Variants in CDK14 observed in about 807,000 individuals in gnomAD.
CDK14 encodes cyclin-dependent kinase 14.
CDK14 carries 34 observed loss-of-function variants against 60.7 expected under a neutral mutation model. That is an observed-to-expected ratio of 0.56 (90% CI 0.43 to 0.75). The LOEUF is 0.75. Among genes scored for constraint, CDK14 ranks in the 30% least tolerant of loss-of-function variants. CDK14 has a pLI of 0.00. For missense variants in CDK14, 482 were observed against 564.1 expected (o/e 0.85, Z 1.47); for synonymous variants, 197 against 203.7 (o/e 0.97, Z 0.28).
intron 5 of CDK14, among the ~76,000 whole-genome samples, chr7:90,792,901 C>A (rs1404685422): frequency 6.6e-6 from 1 of 152,188 alleles, no homozygotes; most frequent in Non-Finnish European, 1.5e-5. Context: ...CATGTTGTTC[C>A]CCATGGCTGG....
chr7:90,784,588 A>G (rs973145305), intron 4 of CDK14, among the ~76,000 whole-genome samples: 2 of 152,106 alleles, frequency 1.3e-5, no homozygotes, highest in African/African-American at 4.8e-5. Context: ...TTTAAGACAA[A>G]CTAGTTTTAG....
At chr7:91,073,272 C>T (rs1165303599) in intron 11 of CDK14, among the ~76,000 whole-genome samples, 1 of 152,100 alleles carries the variant, frequency 6.6e-6, no homozygotes, top group Non-Finnish European at 1.5e-5. Context: ...GCCAGGTGAC[C>T]TACAAAGGGA....
intron 11 of CDK14, among the ~76,000 whole-genome samples, chr7:91,061,342 C>T (rs1015614608): frequency 6.6e-6 from 1 of 152,150 alleles, no homozygotes; most frequent in Non-Finnish European, 1.5e-5. Context: ...GCCGTGGGTT[C>T]GAACTACCTC....
chr7:90,974,669 T>C (rs1444942060), intron 9 of CDK14, among the ~76,000 whole-genome samples: 1 of 152,234 alleles, frequency 6.6e-6, no homozygotes, highest in Non-Finnish European at 1.5e-5. Context: ...TCATGTGATA[T>C]AATTATTTAT....
chr7:90,776,988 G>C (rs375718096), intron 4 of CDK14, among the ~76,000 whole-genome samples: 6 of 145,896 alleles, frequency 4.1e-5, no homozygotes, highest in African/African-American at 1.3e-4. Context: ...TCAACAATTA[G>C]AAAGCAAAAT....
intron 2 of CDK14, among the ~76,000 whole-genome samples, chr7:90,607,466 A>G (rs1424840056): frequency 1.3e-5 from 2 of 152,216 alleles, no homozygotes; most frequent in African/African-American, 4.8e-5. Flanking sequence ...ATGCCTCTAG[A>G]GTATGTGTCA....
chr7:90,710,449 A>G lies in CDK14; in HGVS notation c.124-16118A>G, dbSNP rs902296722. 81 of 985,138 alleles carry G rather than the reference A, an allele frequency of 8.2e-5. No individual in the cohort carries two copies. In the African/African-American group the frequency reaches 1.3e-3, roughly 16 times the overall value. 61.0% of individuals were successfully genotyped at this position (985,138 alleles called of 1,614,324 possible). A position where few individuals can be genotyped will look rare whatever the true frequency, so the allele number is the denominator to read the frequency against. On this transcript the variant is annotated intron_variant, in intron 2 of 14. Transcript: ENST00000380050. ...ATTTAGCTGGATTGGATCTGAGTAGAATAAATATCTCTAATATATTAGAGA... is the reference window on the plus strand; with the variant it reads ...ATTTAGCTGGATTGGATCTGAGTAGGATAAATATCTCTAATATATTAGAGA...
chr7:90,612,337 G>A (rs751206317), intron 2 of CDK14, among the ~76,000 whole-genome samples: 8 of 152,164 alleles, frequency 5.3e-5, no homozygotes, highest in East Asian at 1.9e-4. Flanking sequence ...ATCAAATGAC[G>A]TTTGTTTTAT....
At chr7:91,195,015 T>C (rs1036172773) in intron 14 of CDK14, among the ~76,000 whole-genome samples, 8 of 152,204 alleles carry the variant, frequency 5.3e-5, no homozygotes, top group Non-Finnish European at 5.9e-5. Context: ...AGTGAGAGAT[T>C]GACCCCAGGC....
chr7:91,070,481 G>A (rs758952598), intron 11 of CDK14, among the ~76,000 whole-genome samples: 1 of 152,192 alleles, frequency 6.6e-6, no homozygotes. Context: ...TGTTCAGGCT[G>A]GGCTTTGTGG....
At chr7:91,135,026 CA>C (rs1035610891) in intron 14 of CDK14, among the ~76,000 whole-genome samples, 7 of 151,446 alleles carry the variant, frequency 4.6e-5, no homozygotes, top group Admixed American at 2.0e-4. Flanking sequence ...ATATTTCTGT[CA>C]AAAAAAAGCA....
intron 2 of CDK14, among the ~76,000 whole-genome samples, chr7:90,694,130 C>G (rs1478703364): frequency 6.6e-6 from 1 of 152,068 alleles, no homozygotes; most frequent in African/African-American, 2.4e-5. Context: ...ATCTTTGTGC[C>G]TTAGGGCTTG....
chr7:90,861,569 T>C (rs1791010704), intron 5 of CDK14, among the ~76,000 whole-genome samples: 1 of 152,118 alleles, frequency 6.6e-6, no homozygotes, highest in African/African-American at 2.4e-5. Context: ...GTGACTGGAA[T>C]TGGCAGCTGT....
chr7:90,761,928 T>A (rs2116862513), intron 4 of CDK14, among the ~76,000 whole-genome samples: 1 of 152,326 alleles, frequency 6.6e-6, no homozygotes, highest in East Asian at 1.9e-4. Context: ...GTCCCCTGTT[T>A]TTATTAAGCA....
In CDK14 at chr7:91,209,386, G is replaced by A. The variant is rs1212838159; in HGVS notation, c.*2250G>A. On this transcript the variant is annotated 3_prime_UTR_variant, in exon 15 of 15. Transcript: ENST00000380050. ...TTGCCACCCATACAGGAAATCCAAA[G>A]TTTGGTGTCTCTCTCTCTCTGTCTC... 1.7e-5 allele frequency: 1 copy of A among 60,546 alleles called. No homozygotes were observed. Among genetic ancestry groups the A allele is most frequent in the African/African-American group, 6.8e-5 (1 of 14,608 alleles). The allele number at this position is 60,546 out of a possible 1,614,324, so 3.8% of individuals were successfully genotyped here.
intron 9 of CDK14, 141 bp from the exon 10 acceptor site, chr7:90,984,007 C>T (rs1455631419): frequency 1.6e-6 from 1 of 633,392 alleles, no homozygotes; most frequent in Non-Finnish European, 2.8e-6. Flanking sequence ...ACCCCTGAAT[C>T]TAAAATAAAA....
At chr7:90,675,195 A>G (rs1402377419) in intron 2 of CDK14, among the ~76,000 whole-genome samples, 4 of 151,950 alleles carry the variant, frequency 2.6e-5, no homozygotes, top group Non-Finnish European at 5.9e-5. Flanking sequence ...TTTCCTATAT[A>G]GTAGGGATTT....
At chr7:90,781,513 A>T (rs1453092341) in intron 4 of CDK14, among the ~76,000 whole-genome samples, 1 of 148,518 alleles carries the variant, frequency 6.7e-6, no homozygotes, top group Non-Finnish European at 1.5e-5. Context: ...CTGAATGGTA[A>T]TGCCTAGGTT....
chr7:91,070,741 A>G (rs761485785), intron 11 of CDK14, among the ~76,000 whole-genome samples: 3 of 152,168 alleles, frequency 2.0e-5, no homozygotes, highest in Non-Finnish European at 4.4e-5. Context: ...CCTGGGTGAC[A>G]GAGCAAGACC....
Sources: allele counts gnomAD v4.1 joint callset (sites outside exome capture counted in the v4.1 genomes callset), GRCh38; gene constraint gnomAD v4.1.1; transcripts MANE v1.5; gene names NCBI Gene and HGNC (gene_info 2026-07-23, HGNC 2026-07-21).